Variants in FOXP1 observed in about 807,000 individuals in gnomAD.
FOXP1 encodes forkhead box P1, also known as forkhead box protein P1.
A neutral mutation model predicts 98.2 loss-of-function variants in FOXP1; 15 were observed. The observed-to-expected ratio is 0.15, with a 90% confidence interval of 0.10 to 0.24. The LOEUF (loss-of-function observed/expected upper bound fraction) is 0.24, where lower values mean the gene tolerates loss of function less well. Among genes scored for constraint, FOXP1 ranks in the 10% least tolerant of loss-of-function variants. FOXP1 has a pLI of 1.00. For synonymous variants in FOXP1, 371 were observed against 314.5 expected, an observed-to-expected ratio of 1.18 and a Z score of -1.90; for missense variants, 633 against 848.5, an observed-to-expected ratio of 0.75 and a Z score of 3.15.
chr3:71,461,783 G>A (rs2088144060), intron 3 of FOXP1, among the ~76,000 whole-genome samples: 2 of 151,538 alleles, frequency 1.3e-5, no homozygotes, highest in Admixed American at 6.6e-5. Flanking sequence ...CTGGGAAAAA[G>A]AGCGAGACTC....
chr3:71,552,226 C>T (rs1439428326), intron 2 of FOXP1, among the ~76,000 whole-genome samples: 3 of 151,976 alleles, frequency 2.0e-5, no homozygotes, highest in Non-Finnish European at 2.9e-5. Flanking sequence ...GATATTGCTA[C>T]CTATCAGATG....
intron 14 of FOXP1, among the ~76,000 whole-genome samples, chr3:70,979,003 A>C (rs1430604842): frequency 6.6e-6 from 1 of 152,150 alleles, no homozygotes; most frequent in Non-Finnish European, 1.5e-5. Flanking sequence ...ATGGTGGCTC[A>C]CACCTGTAAT....
intron 5 of FOXP1, among the ~76,000 whole-genome samples, chr3:71,291,622 T>C (rs1430926873): frequency 6.6e-6 from 1 of 152,188 alleles, no homozygotes; most frequent in East Asian, 1.9e-4. Flanking sequence ...ACTCATATGT[T>C]TCAGAAGTTT....
In FOXP1 at chr3:70,959,317, G is replaced by A. The variant is rs762475508; in HGVS notation, c.1964C>T (p.Ala655Val). 2 of 1,613,904 alleles carry A rather than the reference G, an allele frequency of 1.2e-6. No homozygotes were observed. The highest frequency in any genetic ancestry group is 2.7e-5 in the African/African-American group (2 of 74,856). ...AEGPLSLVTT[A>V]NHSPDFDHDR... is the part of the protein sequence containing the mutation. ...ATGGTCAAAATCTGGACTGTGGTTG[G>A]CTGTTGTCACTAAGGACAGGGGCCC... The change falls in exon 21 of 21, where the codon GCC becomes GTC. Residue 655 changes from alanine to valine, a missense_variant. This residue lies in a region of FOXP1 where 150 missense variants were observed against 163.7 expected (regional missense o/e 0.92). Coordinates refer to ENST00000649528, the MANE Select transcript of FOXP1 (RefSeq NM_001349338.3).
intron 3 of FOXP1, among the ~76,000 whole-genome samples, chr3:71,434,301 T>G (rs11713996): frequency 0.75 from 113,221 of 151,370 alleles, 44,126 homozygotes; most frequent in Non-Finnish European, 0.81. Flanking sequence ...TCCCCCGCAG[T>G]CAGGATGACA....
At chr3:71,396,957 T>TATATATACACACAC (rs1560424259) in intron 3 of FOXP1, among the ~76,000 whole-genome samples, 7 of 50,106 alleles carry the variant, frequency 1.4e-4, no homozygotes, top group African/African-American at 5.5e-4. Context: ...TGTGTATATA[T>TATATATACACACAC]ATATATGTGT....
intron 2 of FOXP1, among the ~76,000 whole-genome samples, chr3:71,552,235 T>A (rs1470571643): frequency 6.6e-6 from 1 of 152,162 alleles, no homozygotes; most frequent in Non-Finnish European, 1.5e-5. Context: ...ACCTATCAGA[T>A]GTCAAATTTC....
intron 4 of FOXP1, among the ~76,000 whole-genome samples, chr3:71,351,339 A>G (rs2107841430): frequency 6.6e-6 from 1 of 152,332 alleles, no homozygotes; most frequent in Middle Eastern, 3.4e-3. Flanking sequence ...AAGACCTAAA[A>G]TATGGTGAGC....
chr3:71,314,564 C>T (rs1245186359), intron 4 of FOXP1, among the ~76,000 whole-genome samples: 1 of 146,692 alleles, frequency 6.8e-6, no homozygotes, highest in Non-Finnish European at 1.5e-5. Flanking sequence ...TGGCTGTCTG[C>T]CATGCTACAG....
At chr3:71,052,784 G>A (rs113057546) in intron 8 of FOXP1, among the ~76,000 whole-genome samples, 158 bp from the exon 9 acceptor site, 2 of 152,136 alleles carry the variant, frequency 1.3e-5, no homozygotes, top group Non-Finnish European at 2.9e-5. Context: ...AGCGCACACT[G>A]ACTATTCTTG....
intron 4 of FOXP1, among the ~76,000 whole-genome samples, chr3:71,346,377 G>C (rs2077361861): frequency 6.6e-6 from 1 of 152,142 alleles, no homozygotes; most frequent in African/African-American, 2.4e-5. Context: ...GTTTTTGTTG[G>C]GTGGAAGAGG....
chr3:70,970,592 G>A, intron 19 of FOXP1, 144 bp downstream of exon 19: 5 of 767,074 alleles, frequency 6.5e-6, no homozygotes, highest in Non-Finnish European at 9.4e-6. Flanking sequence ...TTTGCCTCCA[G>A]GGAGTATGAT....
At chr3:71,350,190 T>C (rs1234520300) in intron 4 of FOXP1, among the ~76,000 whole-genome samples, 2 of 152,230 alleles carry the variant, frequency 1.3e-5, no homozygotes, top group East Asian at 3.8e-4. Flanking sequence ...GCATTTTGAC[T>C]GGGCTAAGCT....
chr3:71,476,019 T>C lies in FOXP1; in HGVS notation c.-168+17407A>G, dbSNP rs531324801. Among the ~76,000 whole-genome samples the C allele has an allele frequency of 4.6e-5, 7 of 151,658 alleles. No individual in the cohort carries two copies. The South Asian group carries it at 1.3e-3, about 27-fold the overall frequency. On this transcript the variant is annotated intron_variant, in intron 3 of 20. Coordinates refer to ENST00000649528, the MANE Select transcript of FOXP1 (RefSeq NM_001349338.3). ...ATGGTATACACATTCTGGTATGAAA[T>C]GCACAAGTCTACATGACAAAGTAGA...
intron 11 of FOXP1, among the ~76,000 whole-genome samples, chr3:71,020,227 A>C (rs2045227902): frequency 6.6e-6 from 1 of 152,234 alleles, no homozygotes; most frequent in Non-Finnish European, 1.5e-5. Flanking sequence ...TTGCATGAAA[A>C]GTATAATTAC....
intron 2 of FOXP1, among the ~76,000 whole-genome samples, chr3:71,565,047 C>T (rs1188449255): frequency 6.6e-6 from 1 of 152,044 alleles, no homozygotes; most frequent in Non-Finnish European, 1.5e-5. Flanking sequence ...TGCAGGGAGC[C>T]GAGATCGCAC....
intron 10 of FOXP1, among the ~76,000 whole-genome samples, chr3:71,042,079 A>C (rs1194412222): frequency 5.3e-5 from 8 of 152,214 alleles, no homozygotes; most frequent in Admixed American, 5.2e-4. Context: ...AATTGATTAT[A>C]CTATGATTAT....
chr3:71,388,768 A>G (rs778417394), intron 3 of FOXP1, among the ~76,000 whole-genome samples: 2 of 152,232 alleles, frequency 1.3e-5, no homozygotes, highest in Non-Finnish European at 2.9e-5. Context: ...AATCAAGTCT[A>G]CAAGGCGGAC....
At chr3:71,242,520 T>C (rs541069322) in intron 5 of FOXP1, among the ~76,000 whole-genome samples, 5 of 152,370 alleles carry the variant, frequency 3.3e-5, no homozygotes, top group African/African-American at 1.2e-4. Context: ...AAATTTCGTA[T>C]ATGTGAAACC....
Sources: allele counts gnomAD v4.1 joint callset (sites outside exome capture counted in the v4.1 genomes callset), GRCh38; gene constraint gnomAD v4.1.1; regional missense constraint gnomAD v4.1.1; transcripts MANE v1.5; gene names NCBI Gene and HGNC (gene_info 2026-07-23, HGNC 2026-07-21).